PRIM2: variants seen among roughly 807,000 people sequenced by gnomAD.
The protein encoded by PRIM2 is DNA primase subunit 2.
In PRIM2, 39 loss-of-function variants were observed where a neutral mutation model predicts 67.3. That is an observed-to-expected ratio of 0.58 (90% CI 0.45 to 0.76). The LOEUF (loss-of-function observed/expected upper bound fraction) is 0.76, where lower values mean the gene tolerates loss of function less well. PRIM2 is among the 30% of genes least tolerant of loss of function. PRIM2 has a pLI of 0.00. For missense variants in PRIM2, 398 were observed against 598.7 expected (o/e 0.66, Z 3.50); for synonymous variants, 143 against 198.7 (o/e 0.72, Z 2.36).
intron 5 of PRIM2, 114 bp from the exon 6 acceptor site, chr6:57,379,787 A>G (rs1769889792): frequency 1.1e-6 from 1 of 873,736 alleles, no homozygotes; most frequent in African/African-American, 1.7e-5. Context: ...TGAGATATCA[A>G]GGTTTTAAAA....
intron 10 of PRIM2, among the ~76,000 whole-genome samples, chr6:57,550,187 A>C (rs1479271627): frequency 2.6e-5 from 4 of 152,314 alleles, no homozygotes; most frequent in South Asian, 2.1e-4. Flanking sequence ...TAACAGCTAC[A>C]AAGTCATCTA....
intron 12 of PRIM2, among the ~76,000 whole-genome samples, chr6:57,614,675 C>T (rs1484762749): frequency 1.3e-5 from 2 of 152,238 alleles, no homozygotes; most frequent in Non-Finnish European, 1.5e-5. Flanking sequence ...ACGATGAAAC[C>T]GCGTCTCTAC....
chr6:57,237,649 C>T, the PRIM2 span, among the ~76,000 whole-genome samples: 1 of 152,068 alleles, frequency 6.6e-6, no homozygotes, highest in Non-Finnish European at 1.5e-5. Context: ...GCCAGTTTTC[C>T]CAGCACCATT....
intron 7 of PRIM2, among the ~76,000 whole-genome samples, chr6:57,456,063 A>C (rs1187475512): frequency 6.6e-6 from 1 of 152,130 alleles, no homozygotes. Flanking sequence ...TTGGCTGGAT[A>C]TGAAATTCTG....
intron 7 of PRIM2, among the ~76,000 whole-genome samples, chr6:57,440,372 C>T (rs1329982720): frequency 6.6e-6 from 1 of 152,118 alleles, no homozygotes; most frequent in African/African-American, 2.4e-5. Flanking sequence ...TCACTGTAAC[C>T]TTGAGTTCCT....
At chr6:57,553,912 CA>C (rs1293793435) in intron 10 of PRIM2, among the ~76,000 whole-genome samples, 18 of 152,100 alleles carry the variant, frequency 1.2e-4, no homozygotes, top group African/African-American at 4.1e-4. Context: ...ATGATTTCCC[CA>C]AATCATCCCT....
chr6:57,448,699 T>C (rs1772438033), intron 7 of PRIM2, among the ~76,000 whole-genome samples: 1 of 152,162 alleles, frequency 6.6e-6, no homozygotes, highest in African/African-American at 2.4e-5. Flanking sequence ...AGTAAAGCTT[T>C]GTCTAAAAAT....
chr6:57,581,820 C>CAG (rs1776088443), intron 10 of PRIM2, among the ~76,000 whole-genome samples: 1 of 152,116 alleles, frequency 6.6e-6, no homozygotes, highest in South Asian at 2.1e-4. Flanking sequence ...AAAAAAGATT[C>CAG]CTAACAGTTC....
chr6:57,254,154 T>G, the PRIM2 span, among the ~76,000 whole-genome samples: 1 of 152,248 alleles, frequency 6.6e-6, no homozygotes, highest in African/African-American at 2.4e-5. Context: ...AACAAGTTCC[T>G]AGGTGACATT....
chr6:57,415,233 A>G (rs1187130895), intron 7 of PRIM2, among the ~76,000 whole-genome samples: 1 of 152,200 alleles, frequency 6.6e-6, no homozygotes, highest in African/African-American at 2.4e-5. Flanking sequence ...TAGATGTTTT[A>G]TTTACTTATT....
chr6:57,318,707 A>G (rs1222622230), intron 2 of PRIM2, 108 bp downstream of exon 2: 3 of 905,632 alleles, frequency 3.3e-6, no homozygotes, highest in Non-Finnish European at 5.0e-6. Context: ...CCATTCAACA[A>G]GTATTTATTG....
At chr6:57,412,629 A>G (rs1218604487) in intron 7 of PRIM2, among the ~76,000 whole-genome samples, 1 of 152,116 alleles carries the variant, frequency 6.6e-6, no homozygotes, top group East Asian at 1.9e-4. Flanking sequence ...CTTGGCTAAC[A>G]TGATGGGTAA....
intron 7 of PRIM2, among the ~76,000 whole-genome samples, chr6:57,385,501 AT>A (rs1770113210): frequency 6.6e-6 from 1 of 152,228 alleles, no homozygotes; most frequent in Non-Finnish European, 1.5e-5. Flanking sequence ...ATTTTCCTGC[AT>A]AACCACAATT....
intron 7 of PRIM2, among the ~76,000 whole-genome samples, chr6:57,446,941 C>T (rs1772387749): frequency 1.3e-5 from 2 of 151,920 alleles, no homozygotes; most frequent in Admixed American, 1.3e-4. Flanking sequence ...CCTTGTGGTA[C>T]CTCTTGGGAG....
At chr6:57,322,422 T>G (rs1288206890) in intron 3 of PRIM2, among the ~76,000 whole-genome samples, 1 of 152,120 alleles carries the variant, frequency 6.6e-6, no homozygotes, top group Non-Finnish European at 1.5e-5. Flanking sequence ...TCCCCATGTG[T>G]CATGGGAGGG....
chr6:57,508,996 A>C (rs1278788531), intron 8 of PRIM2, among the ~76,000 whole-genome samples: 1 of 152,170 alleles, frequency 6.6e-6, no homozygotes, highest in Non-Finnish European at 1.5e-5. Context: ...AATTCTTTTT[A>C]AACTTCTCTT....
chr6:57,509,589 A>T (rs1359427122), intron 8 of PRIM2, among the ~76,000 whole-genome samples: 30 of 152,176 alleles, frequency 2.0e-4, no homozygotes, highest in Middle Eastern at 3.4e-3. Context: ...CTGGCATAAG[A>T]GGTCCTTCTG....
intron 5 of PRIM2, among the ~76,000 whole-genome samples, chr6:57,377,260 T>G (rs1466313937): frequency 6.6e-6 from 1 of 152,202 alleles, no homozygotes; most frequent in Non-Finnish European, 1.5e-5. Context: ...CGTGGATACT[T>G]CTGGATTTTC....
chr6:57,584,893 T>G (rs1300075722), intron 10 of PRIM2, among the ~76,000 whole-genome samples: 1 of 152,178 alleles, frequency 6.6e-6, no homozygotes. Context: ...ATTCAGCTAG[T>G]AGGTGGCAGA....
Sources: allele counts gnomAD v4.1 joint callset (sites outside exome capture counted in the v4.1 genomes callset), GRCh38; gene constraint gnomAD v4.1.1; transcripts MANE v1.5; gene names NCBI Gene and HGNC (gene_info 2026-07-23, HGNC 2026-07-21).